CAPN8: variants seen among roughly 807,000 people sequenced by gnomAD.
CAPN8 encodes the protein calpain 8.
Under a neutral mutation model 80.9 loss-of-function variants are expected in CAPN8, and 87 were observed. The ratio of observed to expected loss-of-function variants is 1.07; its 90% CI spans 0.90 to 1.28. The LOEUF (loss-of-function observed/expected upper bound fraction) is 1.28. Among genes scored for constraint, CAPN8 ranks in the 50% most tolerant of loss-of-function variants. CAPN8 has a pLI of 0.00. For synonymous variants in CAPN8, 299 were observed against 273.8 expected (o/e 1.09, Z -0.91); for missense variants, 757 against 702.0 (o/e 1.08, Z -0.89).
intron 6 of CAPN8, among the ~76,000 whole-genome samples, chr1:223,623,994 A>G (rs1572239026): frequency 8.6e-6 from 1 of 116,648 alleles, no homozygotes; most frequent in East Asian, 2.4e-4. Context: ...GCAAGACTCC[A>G]CCTGAAAAAA....
intron 2 of CAPN8, among the ~76,000 whole-genome samples, chr1:223,645,583 C>T (rs1223476188): frequency 1.3e-5 from 2 of 152,124 alleles, no homozygotes; most frequent in Middle Eastern, 3.2e-3. Flanking sequence ...CAGGCATTGC[C>T]CTGTTAAATG....
intron 1 of CAPN8, among the ~76,000 whole-genome samples, chr1:223,661,027 T>A (rs180869632): frequency 1.9e-4 from 29 of 151,324 alleles, no homozygotes; most frequent in Non-Finnish European, 2.4e-4. Flanking sequence ...AATTAGCCAA[T>A]TGGTGGCAGG....
At chr1:223,545,401 C>T (rs1397840949) in intron 16 of CAPN8, 102 bp from the exon 17 acceptor site, 11 of 1,514,932 alleles carry the variant, frequency 7.3e-6, no homozygotes, top group Non-Finnish European at 8.0e-6. Flanking sequence ...CCTTAGTGAA[C>T]CTTCCATGTC....
chr1:223,662,011 G>A (rs1020456107), intron 1 of CAPN8, among the ~76,000 whole-genome samples: 10 of 152,314 alleles, frequency 6.6e-5, no homozygotes, highest in African/African-American at 2.2e-4. Context: ...TTTGACATAT[G>A]CCACAACATG....
chr1:223,642,413 T>C (rs916413742), intron 2 of CAPN8, among the ~76,000 whole-genome samples: 2 of 152,108 alleles, frequency 1.3e-5, no homozygotes, highest in African/African-American at 4.8e-5. Flanking sequence ...CTGCCCCCCA[T>C]AGGTTTCCCG....
At chr1:223,645,239 C>T (rs34443759) in intron 2 of CAPN8, among the ~76,000 whole-genome samples, 58,037 of 152,084 alleles carry the variant, frequency 0.38, 12,416 homozygotes, top group Non-Finnish European at 0.49. Flanking sequence ...CTTCCATATT[C>T]CTCAGCCTGC....
At chr1:223,644,519 T>C (rs973919119) in intron 2 of CAPN8, 3 of 154,202 alleles carry the variant, frequency 1.9e-5, no homozygotes, top group African/African-American at 7.2e-5. Flanking sequence ...GATACAACAG[T>C]GGGGAAAAAC....
At chr1:223,645,038 C>T (rs1571731671) in intron 2 of CAPN8, among the ~76,000 whole-genome samples, 1 of 152,142 alleles carries the variant, frequency 6.6e-6, no homozygotes, top group African/African-American at 2.4e-5. Context: ...AGTCCGAGTC[C>T]CAAAACCCCA....
intron 10 of CAPN8, among the ~76,000 whole-genome samples, chr1:223,613,018 C>G (rs982445872): frequency 6.6e-6 from 1 of 151,210 alleles, no homozygotes; most frequent in African/African-American, 2.5e-5. Context: ...AAGAGAGTAG[C>G]TCTCAGATCC....
intron 16 of CAPN8, 186 bp from the exon 17 acceptor site, chr1:223,545,485 A>G: frequency 1.1e-6 from 1 of 917,560 alleles, no homozygotes; most frequent in Non-Finnish European, 1.6e-6. Flanking sequence ...AACGTGCACC[A>G]AGGCTCTCCT....
chr1:223,545,989 A>ATTTT (rs35357819), intron 16 of CAPN8, among the ~76,000 whole-genome samples: 2 of 111,412 alleles, frequency 1.8e-5, no homozygotes, highest in Admixed American at 9.3e-5. Context: ...TACTCCACTA[A>ATTTT]TTTTTTTTTT....
chr1:223,619,196 A>G (rs956588783), intron 9 of CAPN8, 97 bp downstream of exon 9: 12 of 1,444,422 alleles, frequency 8.3e-6, no homozygotes, highest in South Asian at 2.7e-5. Flanking sequence ...CCTGTCTCAA[A>G]AAAACACACA....
chr1:223,661,761 T>C (rs1054762907), intron 1 of CAPN8, among the ~76,000 whole-genome samples: 6 of 152,174 alleles, frequency 3.9e-5, no homozygotes, highest in African/African-American at 1.4e-4. Context: ...CTGTGGTTCC[T>C]CAAAAACTTG....
rs533452251 is a variant in CAPN8 at position 223,642,368 on chromosome 1, T to C, written c.307+11962A>G. On this transcript the variant is annotated intron_variant, in intron 2 of 20. Transcript: ENST00000366872. The stretch of plus-strand genomic sequence containing the variant: ...GCCTCAAAATAACACTTTGGAGTCA[T>C]GCTACATATAATAAGGCACACTAAT... 4.6e-5 allele frequency among the ~76,000 whole-genome samples: 7 copies of C among 152,328 alleles called. No homozygotes were observed. In the South Asian group the frequency reaches 1.2e-3, roughly 27 times the overall value.
At chr1:223,628,565 A>T (rs74145944) in intron 3 of CAPN8, 97 bp downstream of exon 3, 14,214 of 880,902 alleles carry the variant, frequency 0.016, 404 homozygotes, top group African/African-American at 0.092. Flanking sequence ...GACATAGGTC[A>T]CTGTGCCCCA....
chr1:223,614,132 C>T (rs1657105268), intron 10 of CAPN8, among the ~76,000 whole-genome samples: 1 of 152,204 alleles, frequency 6.6e-6, no homozygotes, highest in African/African-American at 2.4e-5. Flanking sequence ...AGTGCAGTGG[C>T]TCACGCCTTT....
At chr1:223,558,363 C>G (rs1367039166) in intron 12 of CAPN8, among the ~76,000 whole-genome samples, 196 bp from the exon 13 acceptor site, 1 of 152,202 alleles carries the variant, frequency 6.6e-6, no homozygotes, top group African/African-American at 2.4e-5. Flanking sequence ...CCACCCCACC[C>G]TGAGTTTTTC....
chr1:223,663,407 C>A (rs1658703015), intron 1 of CAPN8, among the ~76,000 whole-genome samples: 1 of 152,176 alleles, frequency 6.6e-6, no homozygotes, highest in African/African-American at 2.4e-5. Flanking sequence ...TTTCACCACC[C>A]AGTTGTGACA....
chr1:223,641,695 A>T (rs1196477358), intron 2 of CAPN8, among the ~76,000 whole-genome samples: 2 of 152,184 alleles, frequency 1.3e-5, no homozygotes, highest in African/African-American at 4.8e-5. Flanking sequence ...CTACTTTGCA[A>T]GTCCCCGCCC....
Sources: allele counts gnomAD v4.1 joint callset (sites outside exome capture counted in the v4.1 genomes callset), GRCh38; gene constraint gnomAD v4.1.1; transcripts MANE v1.5; gene names NCBI Gene and HGNC (gene_info 2026-07-23, HGNC 2026-07-21).